RNF13: variants seen among roughly 807,000 people sequenced by gnomAD.
RNF13 encodes ring finger protein 13, also known as E3 ubiquitin-protein ligase RNF13.
RNF13 carries 19 observed loss-of-function variants against 37.7 expected under a neutral mutation model. The observed-to-expected ratio is 0.50, with a 90% CI of 0.35 to 0.74. The LOEUF (loss-of-function observed/expected upper bound fraction) is 0.74, where lower values mean the gene tolerates loss of function less well. Among genes scored for constraint, RNF13 ranks in the 30% least tolerant of loss-of-function variants. The pLI, the probability that RNF13 is intolerant of heterozygous loss-of-function variation, is 0.01. For synonymous variants in RNF13, 144 were observed against 157.8 expected (o/e 0.91, Z 0.65); for missense variants, 375 against 453.0 (o/e 0.83, Z 1.56).
chr3:149,817,818 GTAT>G (rs1377975593), intron 1 of RNF13, among the ~76,000 whole-genome samples: 1 of 152,126 alleles, frequency 6.6e-6, no homozygotes, highest in African/African-American at 2.4e-5. Flanking sequence ...TTTGTTACCA[GTAT>G]TATTATCTTC....
At chr3:149,924,900 C>A (rs1718485512) in intron 8 of RNF13, among the ~76,000 whole-genome samples, 1 of 152,020 alleles carries the variant, frequency 6.6e-6, no homozygotes, top group Non-Finnish European at 1.5e-5. Flanking sequence ...GGATATCTTG[C>A]ACAAAAAGGT....
At chr3:149,922,411 G>C (rs1718232545) in intron 8 of RNF13, among the ~76,000 whole-genome samples, 1 of 152,220 alleles carries the variant, frequency 6.6e-6, no homozygotes, top group Admixed American at 6.5e-5. Context: ...ATGATGTTTT[G>C]CTGTGATCTG....
At position 149,836,528 on chromosome 3, in the gene RNF13, G is replaced by A. The variant is rs140955846; in HGVS notation, c.-16-9483G>A. The stretch of plus-strand genomic sequence containing the variant: ...AGGAAAACAACATAAAATAGCAAAT[G>A]TTGGCAAGGATGTGAAGAAATAGTA... On this transcript the variant is annotated intron_variant, in intron 1 of 9. Coordinates refer to ENST00000392894, the MANE Select transcript of RNF13 (RefSeq NM_183381.3). 2.9e-3 allele frequency among the ~76,000 whole-genome samples: 435 copies of A among 151,994 alleles called. 2 individuals are homozygous for A. The highest frequency in any genetic ancestry group is 9.9e-3 in the African/African-American group (411 of 41,402).
intron 1 of RNF13, among the ~76,000 whole-genome samples, chr3:149,819,289 A>G (rs1392165371): frequency 1.3e-5 from 2 of 152,244 alleles, no homozygotes; most frequent in African/African-American, 4.8e-5. Flanking sequence ...AGATGTCTAC[A>G]AAATTTGTTG....
chr3:149,935,949 G>A (rs1376141709), intron 8 of RNF13, among the ~76,000 whole-genome samples: 2 of 151,528 alleles, frequency 1.3e-5, no homozygotes, highest in South Asian at 2.1e-4. Flanking sequence ...TTCAGCTTTC[G>A]TTTGTCTTCA....
In RNF13 at chr3:149,825,014, T is replaced by G. The variant is rs185000312; in HGVS notation, c.-17+11661T>G. 8.0e-4 allele frequency among the ~76,000 whole-genome samples: 121 copies of G among 151,458 alleles called. 1 individual carries two copies. Among genetic ancestry groups the G allele is most frequent in the African/African-American group, 2.7e-3 (112 of 41,228 alleles). On this transcript the variant is annotated intron_variant, in intron 1 of 9. Coordinates refer to ENST00000392894, the MANE Select transcript of RNF13 (RefSeq NM_183381.3). Reference sequence around the variant, plus strand: ...TCTTTCCGTGTTGCTCAGGCTGGAGTGCACTGGCGATCATAGCTCACTGCA... The same window carrying G: ...TCTTTCCGTGTTGCTCAGGCTGGAGGGCACTGGCGATCATAGCTCACTGCA...
In RNF13 at chr3:149,942,144, A is replaced by G. The variant is rs916635598; in HGVS notation, c.701-17912A>G. ...GTAGAATGTTTTGAAATCAGGGAGT[A>G]TGAGTCTTCCAATTTTGTTCTTTTC... On this transcript the variant is annotated intron_variant, in intron 8 of 9. Coordinates refer to ENST00000392894, the MANE Select transcript of RNF13 (RefSeq NM_183381.3). 2.6e-5 allele frequency among the ~76,000 whole-genome samples: 4 copies of G among 152,178 alleles called. No individual in the cohort carries two copies. The South Asian group carries it at 6.2e-4, about 24-fold the overall frequency.
chr3:149,955,535 A>G (rs1721779806), intron 8 of RNF13, among the ~76,000 whole-genome samples: 2 of 152,136 alleles, frequency 1.3e-5, no homozygotes, highest in South Asian at 2.1e-4. Flanking sequence ...CTTATTTGCT[A>G]GAAAAAAAGC....
intron 4 of RNF13, among the ~76,000 whole-genome samples, chr3:149,887,508 C>T (rs963802252): frequency 6.6e-5 from 10 of 152,134 alleles, no homozygotes; most frequent in Non-Finnish European, 1.0e-4. Context: ...TTTACATTGC[C>T]AGGCTGGTCT....
chr3:149,838,029 A>G (rs1721802084), intron 1 of RNF13, among the ~76,000 whole-genome samples: 1 of 152,212 alleles, frequency 6.6e-6, no homozygotes, highest in Admixed American at 6.5e-5. Context: ...CAAAAGGGCT[A>G]CAGGCCCCAT....
intron 8 of RNF13, among the ~76,000 whole-genome samples, chr3:149,933,833 C>A (rs1719420631): frequency 2.0e-5 from 3 of 152,166 alleles, no homozygotes; most frequent in African/African-American, 7.2e-5. Flanking sequence ...ATCCACCCGC[C>A]TCAGCCTCCC....
At position 149,912,022 on chromosome 3, in the gene RNF13, ACTAC is replaced by A. The variant is rs1350051186; in HGVS notation, c.549_552del (p.Tyr183Ter). On this transcript the variant is annotated frameshift_variant, in exon 7 of 10. Transcript: ENST00000392894. LOFTEE classifies it high-confidence loss of function. ...CCAGAATTTAGTCTTCCTTTGGAATACTACCTAATTCCCTTCCTTATCATAGTGG... is the reference window on the plus strand; with the variant it reads ...CCAGAATTTAGTCTTCCTTTGGAATACTAATTCCCTTCCTTATCATAGTGG... 1 of 1,601,518 alleles carries A rather than the reference ACTAC, an allele frequency of 6.2e-7. No homozygotes were observed. The highest frequency in any genetic ancestry group is 1.7e-5 in the Admixed American group (1 of 59,944).
intron 1 of RNF13, among the ~76,000 whole-genome samples, chr3:149,844,965 C>G (rs1722507198): frequency 6.6e-6 from 1 of 152,278 alleles, no homozygotes; most frequent in South Asian, 2.1e-4. Context: ...CAAGCTTTCC[C>G]CCCACGCCCT....
intron 1 of RNF13, among the ~76,000 whole-genome samples, chr3:149,844,141 T>A (rs1385641395): frequency 6.6e-6 from 1 of 152,228 alleles, no homozygotes; most frequent in Non-Finnish European, 1.5e-5. Context: ...TTTGTAAATA[T>A]TTGTGTGCTT....
intron 1 of RNF13, among the ~76,000 whole-genome samples, chr3:149,843,137 C>T (rs1376775221): frequency 1.3e-5 from 2 of 152,092 alleles, no homozygotes; most frequent in Non-Finnish European, 1.5e-5. Flanking sequence ...ATTCTTGAAA[C>T]AATACAGCAT....
intron 8 of RNF13, among the ~76,000 whole-genome samples, chr3:149,953,950 G>C (rs1036432504): frequency 4.6e-5 from 7 of 152,134 alleles, no homozygotes; most frequent in African/African-American, 1.7e-4. Flanking sequence ...TAAAATATTA[G>C]TGTCATCAAA....
chr3:149,952,544 G>A (rs1721444265), intron 8 of RNF13, among the ~76,000 whole-genome samples: 2 of 151,976 alleles, frequency 1.3e-5, no homozygotes, highest in African/African-American at 2.4e-5. Context: ...ATTTCCTAGT[G>A]GCCTGAAAAA....
chr3:149,838,603 C>T lies in RNF13; in HGVS notation c.-16-7408C>T, dbSNP rs148003026. Among the ~76,000 whole-genome samples, 253 of 152,294 alleles carry T rather than the reference C, an allele frequency of 1.7e-3. 1 individual carries two copies. The highest frequency in any genetic ancestry group is 5.5e-3 in the African/African-American group (227 of 41,564). The stretch of plus-strand genomic sequence containing the variant: ...ACTGTACCTTGGCTCTGTTTAGCCA[C>T]GGCTGGGATGCAGGGCACCAAGTCC... On this transcript the variant is annotated intron_variant, in intron 1 of 9. Coordinates refer to ENST00000392894, the MANE Select transcript of RNF13 (RefSeq NM_183381.3).
rs553042084 is a variant in RNF13 at position 149,960,956 on chromosome 3, A to C, written c.998A>C (p.Gln333Pro). ...FGALSESRSH[Q>P]NMTESSDYEE... ...GCTTTATCGGAATCCCGCTCACATCAGAACATGACAGAATCTTCAGACTAT... is the reference window on the plus strand; with the variant it reads ...GCTTTATCGGAATCCCGCTCACATCCGAACATGACAGAATCTTCAGACTAT... The change falls in exon 10 of 10, where the codon CAG becomes CCG. Residue 333 changes from glutamine to proline, a missense_variant. By Grantham distance (76) the Gln-to-Pro change is moderately conservative. Coordinates refer to ENST00000392894, the MANE Select transcript of RNF13 (RefSeq NM_183381.3). 1 of 1,614,238 alleles carries C rather than the reference A, an allele frequency of 6.2e-7. No individual in the cohort carries two copies. The highest frequency in any genetic ancestry group is 1.7e-5 in the Admixed American group (1 of 60,028).
Sources: allele counts gnomAD v4.1 joint callset (sites outside exome capture counted in the v4.1 genomes callset), GRCh38; gene constraint gnomAD v4.1.1; transcripts MANE v1.5; gene names NCBI Gene and HGNC (gene_info 2026-07-23, HGNC 2026-07-21).